SNX29: variants seen among roughly 807,000 people sequenced by gnomAD.
The protein encoded by SNX29 is sorting nexin 29, also known as sorting nexin-29.
In SNX29, 78 loss-of-function variants were observed where a neutral mutation model predicts 102.1. That is an observed-to-expected ratio of 0.76 (90% CI 0.64 to 0.92). The LOEUF is 0.92. SNX29 is among the 40% of genes least tolerant of loss of function. SNX29 has a pLI of 0.00. For missense variants in SNX29, 1,280 were observed against 1,061.7 expected (o/e 1.21, Z -2.86); for synonymous variants, 580 against 414.5 (o/e 1.40, Z -4.85).
At chr16:12,005,949 G>A (rs900765442) in intron 3 of SNX29, among the ~76,000 whole-genome samples, 2 of 152,094 alleles carry the variant, frequency 1.3e-5, no homozygotes, top group African/African-American at 4.8e-5. Flanking sequence ...CATAACCTTT[G>A]TTATAGAAAA....
At chr16:12,452,396 C>T (rs12599142) in intron 18 of SNX29, among the ~76,000 whole-genome samples, 54,498 of 151,528 alleles carry the variant, frequency 0.36, 9,984 homozygotes, top group South Asian at 0.45. Flanking sequence ...AGCGGGTAGC[C>T]GTCAAATGGT....
At chr16:12,530,173 A>G (rs1179095417) in intron 20 of SNX29, among the ~76,000 whole-genome samples, 1 of 152,208 alleles carries the variant, frequency 6.6e-6, no homozygotes, top group Admixed American at 6.5e-5. Flanking sequence ...AGCCACATAG[A>G]AAGTGCGGTG....
chr16:12,444,809 G>A (rs2085970016), intron 18 of SNX29, among the ~76,000 whole-genome samples: 1 of 151,434 alleles, frequency 6.6e-6, no homozygotes, highest in Admixed American at 6.6e-5. Flanking sequence ...GTGGCTTGTG[G>A]GCCACATTGT....
chr16:12,007,672 C>A (rs1414767269), intron 3 of SNX29, among the ~76,000 whole-genome samples: 1 of 152,198 alleles, frequency 6.6e-6, no homozygotes, highest in Admixed American at 6.5e-5. Flanking sequence ...CCTCCAACTC[C>A]TCTCCTGGCC....
intron 1 of SNX29, among the ~76,000 whole-genome samples, chr16:11,998,659 A>G (rs937120452): frequency 3.3e-5 from 5 of 152,178 alleles, no homozygotes; most frequent in Admixed American, 6.5e-5. Context: ...GGAGGGAGTG[A>G]TGCTCTGCAT....
At chr16:12,205,508 C>A (rs954982476) in intron 14 of SNX29, among the ~76,000 whole-genome samples, 2 of 152,174 alleles carry the variant, frequency 1.3e-5, no homozygotes, top group Non-Finnish European at 2.9e-5. Context: ...CTGTCTCCAC[C>A]CCACCCACGC....
At chr16:12,350,309 C>T (rs905692309) in intron 15 of SNX29, among the ~76,000 whole-genome samples, 20 of 152,172 alleles carry the variant, frequency 1.3e-4, no homozygotes. Context: ...ATTCCCTAAA[C>T]AATATGGTAG....
At chr16:12,496,842 G>C (rs2151881221) in intron 19 of SNX29, among the ~76,000 whole-genome samples, 1 of 152,162 alleles carries the variant, frequency 6.6e-6, no homozygotes, top group South Asian at 2.1e-4. Context: ...TTTTTCCTCT[G>C]AGCTTTGAAT....
At chr16:12,562,301 T>G (rs749693602) in intron 20 of SNX29, among the ~76,000 whole-genome samples, 1 of 152,216 alleles carries the variant, frequency 6.6e-6, no homozygotes. Context: ...TCAAACGTTA[T>G]CGTTGGCTTT....
At position 12,120,346 on chromosome 16, in the gene SNX29, C is replaced by T. The variant is rs8044822; in HGVS notation, c.1403-6287C>T. Among the ~76,000 whole-genome samples, 808 of 152,268 alleles carry T rather than the reference C, an allele frequency of 5.3e-3. 9 individuals carry two copies. Among genetic ancestry groups the T allele is most frequent in the African/African-American group, 0.019 (772 of 41,538 alleles). On this transcript the variant is annotated intron_variant, in intron 11 of 20. Coordinates refer to ENST00000566228, the MANE Select transcript of SNX29 (RefSeq NM_032167.5). ...AGTGTTTGTAAAGGCTCTTTGAGGT[C>T]TTTGGAAAAAGATGCTATATAAAGC...
At chr16:11,996,241 G>A (rs2056068288) in intron 1 of SNX29, among the ~76,000 whole-genome samples, 1 of 152,064 alleles carries the variant, frequency 6.6e-6, no homozygotes, top group African/African-American at 2.4e-5. Flanking sequence ...TAAATTATCT[G>A]TGAGTGGTGC....
chr16:12,469,308 G>A (rs1187744469), intron 18 of SNX29, among the ~76,000 whole-genome samples: 1 of 152,166 alleles, frequency 6.6e-6, no homozygotes, highest in Admixed American at 6.5e-5. Flanking sequence ...AATAATTCAG[G>A]CATTTTGTTC....
intron 1 of SNX29, chr16:11,977,484 T>C (rs2869492): frequency 0.43 from 65,790 of 152,550 alleles, 14,997 homozygotes; most frequent in East Asian, 0.88. Flanking sequence ...GATCCTTGCA[T>C]ATTCCATCCT....
intron 19 of SNX29, among the ~76,000 whole-genome samples, chr16:12,478,306 T>G (rs1337287398): frequency 6.6e-6 from 1 of 152,226 alleles, no homozygotes. Context: ...ACCCCTGTTC[T>G]GGACCAAAAA....
intron 11 of SNX29, among the ~76,000 whole-genome samples, chr16:12,109,994 G>A (rs1181605586): frequency 6.6e-6 from 1 of 152,168 alleles, no homozygotes; most frequent in Non-Finnish European, 1.5e-5. Context: ...CTCTCAGAGT[G>A]CTGGGATTAT....
chr16:12,482,348 C>T (rs2087986312), intron 19 of SNX29, among the ~76,000 whole-genome samples: 1 of 151,984 alleles, frequency 6.6e-6, no homozygotes, highest in African/African-American at 2.4e-5. Context: ...GTCACCCAGA[C>T]TAGAGTTCTG....
chr16:12,573,273 C>G lies in SNX29; in HGVS notation c.*4644C>G. 4.4e-6 allele frequency: 1 copy of G among 227,934 alleles called. No individual in the cohort carries two copies. The highest frequency in any genetic ancestry group is 8.7e-6 in the Non-Finnish European group (1 of 114,784). 14.1% of individuals were successfully genotyped at this position (227,934 alleles called of 1,614,324 possible). On this transcript the variant is annotated 3_prime_UTR_variant, in exon 21 of 21. Coordinates refer to ENST00000566228, the MANE Select transcript of SNX29 (RefSeq NM_032167.5). ...TCGATCAGTCATCTCTGGTATTCCTCACTCTAGCCATGAGCCATTGCCATC... is the reference window on the plus strand; with the variant it reads ...TCGATCAGTCATCTCTGGTATTCCTGACTCTAGCCATGAGCCATTGCCATC...
At chr16:12,247,184 G>A (rs1031862396) in intron 14 of SNX29, among the ~76,000 whole-genome samples, 2 of 151,042 alleles carry the variant, frequency 1.3e-5, no homozygotes, top group African/African-American at 5.0e-5. Flanking sequence ...GGCCGGTATG[G>A]GGTGACCATT....
intron 18 of SNX29, among the ~76,000 whole-genome samples, chr16:12,444,623 G>A (rs1179153856): frequency 6.6e-6 from 1 of 152,162 alleles, no homozygotes; most frequent in Non-Finnish European, 1.5e-5. Flanking sequence ...AGGTACCTGA[G>A]TCATTTTCCT....
Sources: gnomAD v4.1 joint callset for allele counts (sites outside exome capture counted in the v4.1 genomes callset) on GRCh38, gnomAD v4.1.1 for gene constraint, MANE v1.5 for transcripts, NCBI Gene and HGNC (gene_info 2026-07-23, HGNC 2026-07-21) for gene names.